The following CD244 variants were observed in gnomAD, a reference collection of about 807,000 sequenced individuals.
The protein encoded by CD244 is natural killer cell receptor 2B4.
Under a neutral mutation model 45.5 loss-of-function variants are expected in CD244, and 20 were observed. The ratio of observed to expected loss-of-function variants is 0.44; its 90% confidence interval spans 0.31 to 0.64. CD244 has a LOEUF of 0.64. CD244 is among the 30% of genes least tolerant of loss of function. CD244 has a pLI of 0.08. For synonymous variants in CD244, 185 were observed against 160.5 expected, an observed-to-expected ratio of 1.15 and a Z score of -1.15; for missense variants, 407 against 426.9, an observed-to-expected ratio of 0.95 and a Z score of 0.41.
intron 1 of CD244, among the ~76,000 whole-genome samples, chr1:160,849,927 A>G (rs578608): frequency 0.55 from 83,142 of 151,748 alleles, 24,797 homozygotes; most frequent in African/African-American, 0.8. Context: ...CAGGAGAATC[A>G]CTTGAACCCG....
At chr1:160,832,672 A>G in intron 7 of CD244, 97 bp from the exon 8 acceptor site, 1 of 1,571,902 alleles carries the variant, frequency 6.4e-7, no homozygotes, top group Non-Finnish European at 8.6e-7. Flanking sequence ...CAGGGCCCAG[A>G]AAAATTCTGA....
chr1:160,831,247 G>A lies in CD244; in HGVS notation c.*100C>T. 1 of 816,166 alleles carries A rather than the reference G, an allele frequency of 1.2e-6. No individual in the cohort carries two copies. Among genetic ancestry groups the A allele is most frequent in the Non-Finnish European group, 2.1e-6 (1 of 482,912 alleles). 50.6% of individuals were successfully genotyped at this position (816,166 alleles called of 1,614,324 possible). On this transcript the variant is annotated 3_prime_UTR_variant, in exon 9 of 9. Transcript: ENST00000368034. The stretch of plus-strand genomic sequence containing the variant: ...AGAACAAATTTCCATATCCTCTCCA[G>A]ACTAGGAACTGTTCTATAGAGACTC...
At chr1:160,848,258 G>A in intron 1 of CD244, 1 of 562,512 alleles carries the variant, frequency 1.8e-6, no homozygotes. Context: ...GGTGAAATTT[G>A]ATGGTGAGAA....
chr1:160,846,641 G>C (rs1669750858), intron 1 of CD244, among the ~76,000 whole-genome samples: 1 of 152,132 alleles, frequency 6.6e-6, no homozygotes, highest in Non-Finnish European at 1.5e-5. Flanking sequence ...CCTCCTGCCT[G>C]GGTGACAAAG....
chr1:160,848,051 G>A, intron 1 of CD244: 2 of 335,262 alleles, frequency 6.0e-6, no homozygotes, highest in Non-Finnish European at 1.2e-5. Flanking sequence ...AGTTGACCAT[G>A]AACCCTTGGA....
chr1:160,854,573 T>C (rs1346211247), intron 1 of CD244, among the ~76,000 whole-genome samples: 1 of 151,654 alleles, frequency 6.6e-6, no homozygotes, highest in East Asian at 1.9e-4. Context: ...TTTGTATTTT[T>C]AGTAGAGACA....
Position 160,841,293 on chromosome 1 carries a change from G to A in CD244, c.572C>T (p.Thr191Ile), listed in dbSNP as rs1669532605. 2 of 1,614,144 alleles carry A rather than the reference G, an allele frequency of 1.2e-6. No individual in the cohort carries two copies. Among genetic ancestry groups the A allele is most frequent in the East Asian group, 2.2e-5 (1 of 44,888 alleles). Residue 191 changes from threonine to isoleucine, a missense_variant, in exon 3 of 9, where the codon ACA becomes ATA. Coordinates refer to ENST00000368034, the MANE Select transcript of CD244 (RefSeq NM_016382.4). ...AGGATTGCTGACATTGCAGGTATATGTGTGAGTGCCATTAATGTCAACCTC... is the reference window on the plus strand; with the variant it reads ...AGGATTGCTGACATTGCAGGTATATATGTGAGTGCCATTAATGTCAACCTC... ...DEEVDINGTH[T>I]YTCNVSNPVS...
At chr1:160,851,077 C>T (rs1195706129) in intron 1 of CD244, among the ~76,000 whole-genome samples, 2 of 152,162 alleles carry the variant, frequency 1.3e-5, no homozygotes, top group African/African-American at 4.8e-5. Context: ...CCATGCCTTC[C>T]CAGGGCGTGC....
At chr1:160,861,903 G>A (rs560321123) in intron 1 of CD244, among the ~76,000 whole-genome samples, 8 of 152,176 alleles carry the variant, frequency 5.3e-5, no homozygotes, top group East Asian at 1.9e-4. Context: ...AATTAAATGC[G>A]GGATCCAGGT....
rs1170288604 is a variant in CD244 at position 160,832,756 on chromosome 1, A to AAGAC, written c.961-185_961-182dup. 14 of 1,283,012 alleles carry AAGAC rather than the reference A, an allele frequency of 1.1e-5. No individual in the cohort carries two copies. In the African/African-American group the frequency reaches 2.1e-4, roughly 19 times the overall value. 79.5% of individuals were successfully genotyped at this position (1,283,012 alleles called of 1,614,324 possible). ...ACAATGGTGTTTATGGTCTCCAGGG[A>AAGAC]AGACACAATATATACAGTATTTGCC... On this transcript the variant is annotated intron_variant, in intron 7 of 8. Coordinates refer to ENST00000368034, the MANE Select transcript of CD244 (RefSeq NM_016382.4).
chr1:160,836,158 A>C (rs1436829048), intron 6 of CD244, 37 bp downstream of exon 6: 2 of 1,510,034 alleles, frequency 1.3e-6, no homozygotes, highest in Non-Finnish European at 1.8e-6. Context: ...AACCCCAGAG[A>C]TAGGTATGGA....
chr1:160,852,497 C>T (rs182908197), intron 1 of CD244, among the ~76,000 whole-genome samples: 159 of 152,208 alleles, frequency 1.0e-3, no homozygotes, highest in Non-Finnish European at 1.7e-3. Flanking sequence ...TGCAGTGAGC[C>T]AAGATCACGC....
Position 160,838,878 on chromosome 1 carries a change from G to A in CD244, c.766+61C>T, listed in dbSNP as rs10158850. 22,401 of 1,131,896 alleles carry A rather than the reference G, an allele frequency of 0.02. 1,666 individuals are homozygous for A. In the African/African-American group the frequency reaches 0.21, roughly 11 times the overall value. The allele number at this position is 1,131,896 out of a possible 1,614,324, so 70.1% of individuals were successfully genotyped here. On this transcript the variant is annotated intron_variant, in intron 4 of 8. Coordinates refer to ENST00000368034, the MANE Select transcript of CD244 (RefSeq NM_016382.4). ...CCCAGACACATCCCACTGGACGCAG[G>A]ACAAAGTCACAGGATCCAAGGCCTC...
At chr1:160,833,984 T>G in intron 7 of CD244, 67 bp downstream of exon 7, 1 of 1,171,576 alleles carries the variant, frequency 8.5e-7, no homozygotes, top group Non-Finnish European at 1.3e-6. Flanking sequence ...ACACTCTCAC[T>G]GCAAACACAT....
intron 1 of CD244, among the ~76,000 whole-genome samples, chr1:160,860,650 A>T (rs1670265567): frequency 6.6e-6 from 1 of 152,228 alleles, no homozygotes; most frequent in Non-Finnish European, 1.5e-5. Flanking sequence ...GTGGTTCAGC[A>T]AAAATTATTG....
At chr1:160,851,629 T>G (rs550060312) in intron 1 of CD244, among the ~76,000 whole-genome samples, 2 of 152,338 alleles carry the variant, frequency 1.3e-5, no homozygotes, top group South Asian at 2.1e-4. Context: ...CATCTTGAGA[T>G]AGACAAATGT....
intron 1 of CD244, among the ~76,000 whole-genome samples, chr1:160,858,123 T>G (rs1032253156): frequency 1.3e-4 from 19 of 151,348 alleles, no homozygotes; most frequent in Admixed American, 7.2e-4. Context: ...CTCCTTGAAG[T>G]GATTTCAGTG....
Position 160,841,748 on chromosome 1 carries a change from C to A in CD244, c.215G>T (p.Gly72Val). The A allele has an allele frequency of 3.1e-6, 5 of 1,614,192 alleles. No individual in the cohort carries two copies. Among genetic ancestry groups the A allele is most frequent in the Non-Finnish European group, 4.2e-6 (5 of 1,180,030 alleles). ...GFHHILKWEN[G>V]SLPSNTSNDR... ...ATTGGAAGTATTGGAAGGCAAAGAG[C>A]CATTCTCCCACTTCAATATGTGATG... The change falls in exon 2 of 9, where the codon GGC (glycine) becomes GTC (valine). Residue 72 changes from glycine to valine, a missense_variant. Coordinates refer to ENST00000368034, the MANE Select transcript of CD244 (RefSeq NM_016382.4).
chr1:160,844,969 C>T (rs536906), intron 1 of CD244, among the ~76,000 whole-genome samples: 78,573 of 151,718 alleles, frequency 0.52, 21,421 homozygotes, highest in African/African-American at 0.7. Flanking sequence ...AGAGCAAGAC[C>T]TAATCTCAAA....
Sources: gnomAD v4.1 joint callset for allele counts (sites outside exome capture counted in the v4.1 genomes callset) on GRCh38, gnomAD v4.1.1 for gene constraint, MANE v1.5 for transcripts, NCBI Gene and HGNC (gene_info 2026-07-23, HGNC 2026-07-21) for gene names.